The following NCBP3 variants were observed in gnomAD, a reference collection of about 807,000 sequenced individuals.
The protein encoded by NCBP3 is nuclear cap-binding protein subunit 3.
Under a neutral mutation model 75.7 loss-of-function variants are expected in NCBP3, and 20 were observed. That is an observed-to-expected ratio of 0.26 (90% CI 0.19 to 0.38). The LOEUF (loss-of-function observed/expected upper bound fraction) is 0.38, where lower values mean the gene tolerates loss of function less well. NCBP3 is among the 10% of genes least tolerant of loss of function. The probability of loss-of-function intolerance (pLI) is 1.00; values close to 1 mark genes in which losing one functional copy is unlikely to be tolerated. For missense variants in NCBP3, 678 were observed against 796.9 expected (o/e 0.85, Z 1.80); for synonymous variants, 293 against 290.5 (o/e 1.01, Z -0.09).
At chr17:3,829,747 G>A (rs879668512) in intron 3 of NCBP3, among the ~76,000 whole-genome samples, 1 of 152,206 alleles carries the variant, frequency 6.6e-6, no homozygotes, top group South Asian at 2.1e-4. Context: ...GAAACGCGCA[G>A]TAGTGGAGAC....
In NCBP3 at chr17:3,822,229, G is replaced by A. The variant is rs879326826; in HGVS notation, c.797-177C>T. On this transcript the variant is annotated intron_variant, in intron 7 of 12. Coordinates refer to ENST00000389005, the MANE Select transcript of NCBP3 (RefSeq NM_001114118.3). ...GCCCACTACAGCAATGCAGTGTAGA[G>A]GGGATAAAGCAAAATACAGAGACGA... 56 of 556,194 alleles carry A rather than the reference G, an allele frequency of 1.0e-4. No homozygotes were observed. In the East Asian group the frequency reaches 1.2e-3, roughly 11 times the overall value. The allele number at this position is 556,194 out of a possible 1,614,324, so 34.5% of individuals were successfully genotyped here.
chr17:3,809,825 T>C lies in NCBP3; in HGVS notation c.*3219A>G, dbSNP rs2053382530. The C allele has an allele frequency of 1.3e-5, 2 of 152,178 alleles. No individual in the cohort carries two copies. The highest frequency in any genetic ancestry group is 4.8e-5 in the African/African-American group (2 of 41,436). 9.4% of individuals were successfully genotyped at this position (152,178 alleles called of 1,614,324 possible). A position where few individuals can be genotyped will look rare whatever the true frequency, so the allele number is the denominator to read the frequency against. ...GGCATACCCATAAAATGGACTATTA[T>C]TTGGCAATTTTAAAAAATGAAATAC... On this transcript the variant is annotated 3_prime_UTR_variant, in exon 13 of 13. Transcript: ENST00000389005.
In NCBP3 at chr17:3,837,211, A is replaced by C. The variant is rs1407061443; in HGVS notation, c.355+2889T>G. 2.0e-5 allele frequency among the ~76,000 whole-genome samples: 3 copies of C among 150,254 alleles called. No homozygotes were observed. In the East Asian group the frequency reaches 5.9e-4, roughly 29 times the overall value. On this transcript the variant is annotated intron_variant, in intron 3 of 12. Transcript: ENST00000389005. Reference sequence around the variant, plus strand: ...TACCTGAGAAGATATAAAAAGAATAACTATCAGCCGGGCGCAGTGGCTCAC... The same window carrying C: ...TACCTGAGAAGATATAAAAAGAATACCTATCAGCCGGGCGCAGTGGCTCAC...
chr17:3,845,210 T>C (rs1213118794), intron 1 of NCBP3, among the ~76,000 whole-genome samples: 1 of 152,216 alleles, frequency 6.6e-6, no homozygotes, highest in East Asian at 1.9e-4. Flanking sequence ...TTAATCATAA[T>C]TATAACGTTT....
At chr17:3,840,570 C>A (rs945634505) in intron 2 of NCBP3, among the ~76,000 whole-genome samples, 1 of 152,114 alleles carries the variant, frequency 6.6e-6, no homozygotes, top group Non-Finnish European at 1.5e-5. Context: ...ATTTCAACAT[C>A]CCAATTTTCC....
intron 3 of NCBP3, among the ~76,000 whole-genome samples, chr17:3,838,085 G>A (rs1403241625): frequency 6.6e-6 from 1 of 152,136 alleles, no homozygotes; most frequent in Non-Finnish European, 1.5e-5. Flanking sequence ...AACTAACAAG[G>A]CTCAAGAACT....
intron 3 of NCBP3, among the ~76,000 whole-genome samples, chr17:3,836,851 A>T (rs901972221): frequency 1.1e-4 from 16 of 151,990 alleles, no homozygotes; most frequent in Non-Finnish European, 1.9e-4. Context: ...TCTGCACATT[A>T]AAAGTACCTG....
At chr17:3,835,464 C>T (rs2053957483) in intron 3 of NCBP3, among the ~76,000 whole-genome samples, 1 of 152,228 alleles carries the variant, frequency 6.6e-6, no homozygotes, top group South Asian at 2.1e-4. Flanking sequence ...CAGAAAGTTG[C>T]GACACATGAA....
At chr17:3,821,888 C>T (rs950929141) in intron 8 of NCBP3, 65 bp downstream of exon 8, 58 of 1,034,880 alleles carry the variant, frequency 5.6e-5, no homozygotes, top group African/African-American at 4.9e-4. Flanking sequence ...CATTTCACCA[C>T]GGAATACCAA....
At chr17:3,816,376 C>T (rs2053532918) in intron 10 of NCBP3, 106 bp from the exon 11 acceptor site, 1 of 966,258 alleles carries the variant, frequency 1.0e-6, no homozygotes, top group Non-Finnish European at 1.5e-6. Context: ...GAAATCCTGT[C>T]TTACATGGCC....
At chr17:3,822,076 C>G in intron 7 of NCBP3, 24 bp from the exon 8 acceptor site, 1 of 1,439,034 alleles carries the variant, frequency 6.9e-7, no homozygotes. Flanking sequence ...ACAATAGTTA[C>G]CTAGGATTTC....
chr17:3,825,175 G>A (rs1287572318), intron 6 of NCBP3, 125 bp from the exon 7 acceptor site: 5 of 535,202 alleles, frequency 9.3e-6, no homozygotes, highest in South Asian at 2.6e-5. Flanking sequence ...CACTAGTTCC[G>A]CTGTAGAATT....
rs965774739 is a variant in NCBP3, at chr17:3,825,015, C to T, written c.723G>A (p.Leu241=). 3.9e-6 allele frequency: 6 copies of T among 1,545,648 alleles called. No homozygotes were observed. The highest frequency in any genetic ancestry group is 5.2e-6 in the Non-Finnish European group (6 of 1,143,920). ...TAGCTGGACGAAGATCGTTTCTTAA[C>T]AAAGACTCCTCTTCTACCTGAGACA... The part of the protein sequence containing the change: ...DTLSQVEEES[L]LRNDLRPANK... Residue 241 remains leucine (L), a synonymous_variant, in exon 7 of 13, where the codon TTG becomes TTA. Transcript: ENST00000389005.
intron 3 of NCBP3, among the ~76,000 whole-genome samples, chr17:3,836,570 T>C (rs2053975008): frequency 6.6e-6 from 1 of 151,706 alleles, no homozygotes; most frequent in East Asian, 1.9e-4. Context: ...GGAGAATCAT[T>C]TGAACCCAGG....
chr17:3,812,320 C>A lies in NCBP3; in HGVS notation c.*724G>T. The A allele has an allele frequency of 6.1e-6, 1 of 163,748 alleles. No individual in the cohort carries two copies. Among genetic ancestry groups the A allele is most frequent in the Non-Finnish European group, 1.3e-5 (1 of 78,146 alleles). The allele number at this position is 163,748 out of a possible 1,614,324, so 10.1% of individuals were successfully genotyped here. The stretch of plus-strand genomic sequence containing the variant: ...ATTCTTCAACATTGACCCATAATCC[C>A]ACCCCAGCACAAAAATCAACCCCAA... On this transcript the variant is annotated 3_prime_UTR_variant, in exon 13 of 13. Coordinates refer to ENST00000389005, the MANE Select transcript of NCBP3 (RefSeq NM_001114118.3).
At position 3,846,058 on chromosome 17, in the gene NCBP3, G is replaced by A. The variant is rs772135056; in HGVS notation, c.166C>T (p.Leu56Phe). The change falls in exon 1 of 13, where the codon CTC becomes TTC. Residue 56 changes from leucine to phenylalanine, a missense_variant. Around this residue, in one of 7 missense-constraint regions of NCBP3, gnomAD observed 46 missense variants for 82.8 expected, o/e 0.56. Coordinates refer to ENST00000389005, the MANE Select transcript of NCBP3 (RefSeq NM_001114118.3). The surrounding 1 kb of genome is among the most constrained non-coding windows in gnomAD (Gnocchi z 4.6). ...ELEIVPVRRS[L>F]KELIPDTSRR... is the part of the protein sequence containing the mutation. ...GCCCGTACCGGGATCAGTTCCTTGAGCGAGCGCCGCACAGGCACGATTTCC... is the reference window on the plus strand; with the variant it reads ...GCCCGTACCGGGATCAGTTCCTTGAACGAGCGCCGCACAGGCACGATTTCC... 1.9e-6 allele frequency: 3 copies of A among 1,548,232 alleles called. No individual in the cohort carries two copies. The African/African-American group carries it at 4.1e-5, about 21-fold the overall frequency.
chr17:3,844,762 G>A (rs2054130821), intron 1 of NCBP3, among the ~76,000 whole-genome samples: 3 of 152,150 alleles, frequency 2.0e-5, no homozygotes, highest in Admixed American at 2.0e-4. Context: ...AGGCAGAAGA[G>A]TAGCTTGAAC....
intron 12 of NCBP3, among the ~76,000 whole-genome samples, chr17:3,813,820 C>T (rs568347838): frequency 1.4e-3 from 213 of 152,210 alleles, no homozygotes; most frequent in Non-Finnish European, 2.4e-3. Flanking sequence ...CCCACCACCA[C>T]GCCCGGCTCA....
intron 4 of NCBP3, among the ~76,000 whole-genome samples, chr17:3,826,797 A>G (rs919996919): frequency 2.6e-5 from 4 of 152,024 alleles, no homozygotes; most frequent in Admixed American, 1.3e-4. Context: ...GCGGATCACG[A>G]GGTCAGGAGA....
Sources: allele counts gnomAD v4.1 joint callset (sites outside exome capture counted in the v4.1 genomes callset), GRCh38; gene constraint gnomAD v4.1.1; regional missense constraint gnomAD v4.1.1; non-coding constraint Gnocchi (gnomAD v3.1); transcripts MANE v1.5; gene names NCBI Gene and HGNC (gene_info 2026-07-23, HGNC 2026-07-21).